NCOA2: variants seen among roughly 807,000 people sequenced by gnomAD.
NCOA2 encodes the protein class E basic helix-loop-helix protein 75.
A neutral mutation model predicts 145.1 loss-of-function variants in NCOA2; 21 were observed. The observed-to-expected ratio is 0.14, with a 90% CI of 0.10 to 0.21. The LOEUF (loss-of-function observed/expected upper bound fraction) is 0.21, where lower values mean the gene tolerates loss of function less well. Among genes scored for constraint, NCOA2 ranks in the 10% least tolerant of loss-of-function variants. NCOA2 has a pLI of 1.00. For synonymous variants in NCOA2, 619 were observed against 637.5 expected (o/e 0.97, Z 0.44); for missense variants, 1,472 against 1,837.6 (o/e 0.80, Z 3.64).
At chr8:70,248,164 C>CT (rs1367163070) in intron 2 of NCOA2, among the ~76,000 whole-genome samples, 6 of 152,278 alleles carry the variant, frequency 3.9e-5, no homozygotes, top group African/African-American at 1.4e-4. Context: ...ATCCAAGAGT[C>CT]TGGTGAGAAG....
intron 1 of NCOA2, among the ~76,000 whole-genome samples, chr8:70,313,688 C>T (rs988338605): frequency 1.3e-5 from 2 of 152,078 alleles, no homozygotes; most frequent in African/African-American, 4.8e-5. Flanking sequence ...AAGGTACACA[C>T]ACGAAAAAAT....
At chr8:70,423,268 C>T in the NCOA2 span, among the ~76,000 whole-genome samples, 1 of 152,176 alleles carries the variant, frequency 6.6e-6, no homozygotes, top group Non-Finnish European at 1.5e-5. Context: ...ACTGCAACCT[C>T]TGCCCCCCAG....
intron 3 of NCOA2, among the ~76,000 whole-genome samples, chr8:70,216,026 C>T (rs1183392265): frequency 2.6e-5 from 4 of 152,132 alleles, no homozygotes; most frequent in Non-Finnish European, 4.4e-5. Context: ...TAGGTTTTTC[C>T]GAATCTTTTG....
At chr8:70,276,560 T>C (rs571143572) in intron 2 of NCOA2, among the ~76,000 whole-genome samples, 2 of 152,256 alleles carry the variant, frequency 1.3e-5, no homozygotes, top group African/African-American at 4.8e-5. Flanking sequence ...ATTTTTGTGA[T>C]AGTACGTTAT....
chr8:70,442,147 G>GAAAGAA, the NCOA2 span, among the ~76,000 whole-genome samples: 1 of 135,450 alleles, frequency 7.4e-6, no homozygotes, highest in South Asian at 2.4e-4. Flanking sequence ...AAGAAAGAAA[G>GAAAGAA]AAAGAAAGAA....
At chr8:70,364,741 T>TAA (rs796932464) in intron 1 of NCOA2, among the ~76,000 whole-genome samples, 27 of 123,624 alleles carry the variant, frequency 2.2e-4, no homozygotes, top group Admixed American at 4.2e-4. Context: ...TCCCAATACT[T>TAA]AAAAAAAAAA....
chr8:70,424,885 C>T, the NCOA2 span, among the ~76,000 whole-genome samples: 1 of 152,182 alleles, frequency 6.6e-6, no homozygotes, highest in Non-Finnish European at 1.5e-5. Flanking sequence ...AGCTCAAGGG[C>T]AGTTCAAAAG....
chr8:70,189,901 T>C (rs1008166909), intron 4 of NCOA2, among the ~76,000 whole-genome samples: 3 of 152,304 alleles, frequency 2.0e-5, no homozygotes, highest in East Asian at 3.9e-4. Flanking sequence ...TTGGAGAGTA[T>C]AGGAAACAGC....
chr8:70,376,143 CAGG>C (rs1367548803), intron 1 of NCOA2, among the ~76,000 whole-genome samples: 1 of 152,060 alleles, frequency 6.6e-6, no homozygotes, highest in Admixed American at 6.6e-5. Context: ...AGAAACAGGG[CAGG>C]AGGAGGATAA....
At chr8:70,447,460 C>T in the NCOA2 span, among the ~76,000 whole-genome samples, 100 of 152,214 alleles carry the variant, frequency 6.6e-4, no homozygotes, top group African/African-American at 2.3e-3. Flanking sequence ...CAAATAATGG[C>T]GGCCACACCC....
At chr8:70,198,081 G>A (rs1817524659) in intron 4 of NCOA2, among the ~76,000 whole-genome samples, 1 of 152,166 alleles carries the variant, frequency 6.6e-6, no homozygotes, top group South Asian at 2.1e-4. Flanking sequence ...AATAACAGGT[G>A]TGAGTAATGG....
chr8:70,112,747 TA>T lies in NCOA2; in HGVS notation c.*884del. ...GGTTTCTGTAGCTTATATTATTTTT[TA>T]AAAAAGGAATGAAAATAGGGAGTAT... On this transcript the variant is annotated 3_prime_UTR_variant, in exon 23 of 23. Coordinates refer to ENST00000452400, the MANE Select transcript of NCOA2 (RefSeq NM_006540.4). 9.6e-6 allele frequency: 2 copies of T among 208,726 alleles called. No individual in the cohort carries two copies. The highest frequency in any genetic ancestry group is 1.9e-5 in the Non-Finnish European group (2 of 102,630). 12.9% of individuals were successfully genotyped at this position (208,726 alleles called of 1,614,324 possible).
chr8:70,355,919 C>G (rs1019639487), intron 1 of NCOA2, among the ~76,000 whole-genome samples: 3 of 152,090 alleles, frequency 2.0e-5, no homozygotes, highest in African/African-American at 7.2e-5. Flanking sequence ...TTACATAAAA[C>G]TTAATCTAAT....
chr8:70,347,086 C>T (rs1012410043), intron 1 of NCOA2, among the ~76,000 whole-genome samples: 10 of 152,136 alleles, frequency 6.6e-5, no homozygotes, highest in South Asian at 2.1e-4. Context: ...GAACAAACTA[C>T]GATAGTGGGA....
chr8:70,365,807 A>T (rs745501773), intron 1 of NCOA2, among the ~76,000 whole-genome samples: 1 of 152,194 alleles, frequency 6.6e-6, no homozygotes, highest in Non-Finnish European at 1.5e-5. Flanking sequence ...GAAAAAAGAG[A>T]AAGAAATGAG....
intron 1 of NCOA2, among the ~76,000 whole-genome samples, chr8:70,390,683 C>T (rs1302218344): frequency 6.6e-6 from 1 of 152,106 alleles, no homozygotes. Flanking sequence ...GAGAGGATCA[C>T]TTGAGCCCAG....
chr8:70,446,170 T>G, the NCOA2 span, among the ~76,000 whole-genome samples: 2 of 152,180 alleles, frequency 1.3e-5, no homozygotes, highest in Non-Finnish European at 2.9e-5. Flanking sequence ...CCCTCCACAT[T>G]GCTACTTCTG....
chr8:70,253,521 AT>A lies in NCOA2; in HGVS notation c.-19-36758del, dbSNP rs1447056116. 5.9e-5 allele frequency among the ~76,000 whole-genome samples: 9 copies of A among 152,312 alleles called. No individual in the cohort carries two copies. In the East Asian group the frequency reaches 1.7e-3, roughly 29 times the overall value. On this transcript the variant is annotated intron_variant, in intron 2 of 22. Transcript: ENST00000452400. ...AAGTGTGCAATATCACTGAGAAATG[AT>A]GAAACTCTGAACTTAACCTTAAAAT...
intron 4 of NCOA2, among the ~76,000 whole-genome samples, chr8:70,175,466 T>G (rs2132772482): frequency 6.6e-6 from 1 of 152,340 alleles, no homozygotes; most frequent in East Asian, 1.9e-4. Flanking sequence ...ACTTGGGGAA[T>G]TTCAATGGCT....
Sources: gnomAD v4.1 joint callset for allele counts (sites outside exome capture counted in the v4.1 genomes callset) on GRCh38, gnomAD v4.1.1 for gene constraint, MANE v1.5 for transcripts, NCBI Gene and HGNC (gene_info 2026-07-23, HGNC 2026-07-21) for gene names.